Variants in CCDC28B observed in about 807,000 individuals in gnomAD.
The protein encoded by CCDC28B is coiled-coil domain-containing protein 28B.
A neutral mutation model predicts 18.7 loss-of-function variants in CCDC28B; 17 were observed. The ratio of observed to expected loss-of-function variants is 0.91; its 90% CI spans 0.62 to 1.36. The LOEUF is 1.36. Among genes scored for constraint, CCDC28B ranks in the 40% most tolerant of loss-of-function variants. The pLI is 0.00. For missense variants in CCDC28B, 213 were observed against 251.7 expected (o/e 0.85, Z 1.04); for synonymous variants, 116 against 105.1 (o/e 1.10, Z -0.64).
intron 1 of CCDC28B, 22 bp downstream of exon 1, chr1:32,200,731 T>G (rs998774811): frequency 2.0e-5 from 3 of 151,754 alleles, no homozygotes; most frequent in Non-Finnish European, 4.4e-5. Context: ...CCTGAGGGAG[T>G]GAGGGCGGGG....
upstream of CCDC28B, chr1:32,197,728 T>G (rs186353303): frequency 6.6e-6 from 1 of 152,396 alleles, no homozygotes; most frequent in African/African-American, 2.4e-5. The surrounding 1 kb of genome is among the most constrained non-coding windows in gnomAD (Gnocchi z 4.6). Context: ...CAAGAGCGCA[T>G]GGCTCTGCTA....
chr1:32,204,747 C>G, intron 5 of CCDC28B, 127 bp downstream of exon 5: 1 of 1,613,718 alleles, frequency 6.2e-7, no homozygotes, highest in Admixed American at 1.7e-5. Flanking sequence ...TCAGATTTAG[C>G]CACAGACTGC....
At chr1:32,198,908 C>G (rs1569647240), upstream of CCDC28B, among the ~76,000 whole-genome samples, 1 of 152,258 alleles carries the variant, frequency 6.6e-6, no homozygotes, top group East Asian at 1.9e-4. Flanking sequence ...AGGCATAGGC[C>G]ATTTGAGGCC....
upstream of CCDC28B, among the ~76,000 whole-genome samples, chr1:32,199,368 TG>T (rs113383928): frequency 0.13 from 19,167 of 151,596 alleles, 1,564 homozygotes; most frequent in South Asian, 0.25. Flanking sequence ...CTGGAGGGTG[TG>T]GGGGGGGTGC....
chr1:32,202,340 CA>C (rs1643165262), intron 2 of CCDC28B: 1 of 673,580 alleles, frequency 1.5e-6, no homozygotes, highest in Non-Finnish European at 2.7e-6. Context: ...AGGGAGTGAG[CA>C]ACTCTGCAAG....
rs1196167598 is a variant in CCDC28B at position 32,204,504 on chromosome 1, C to T, written c.526-94C>T. On this transcript the variant is annotated intron_variant, in intron 4 of 5. Coordinates refer to ENST00000373602, the MANE Select transcript of CCDC28B (RefSeq NM_024296.5). ...GTGCATGGATCCAAGAGCTCTGGGC[C>T]CCTCAACCTCCCCAGAAGATAGCCC... 4.0e-6 allele frequency: 6 copies of T among 1,513,736 alleles called. No individual in the cohort carries two copies. The East Asian group carries it at 1.1e-4, about 29-fold the overall frequency. 93.8% of individuals were successfully genotyped at this position (1,513,736 alleles called of 1,614,324 possible).
upstream of CCDC28B, among the ~76,000 whole-genome samples, chr1:32,199,705 A>C (rs1411719058): frequency 2.6e-5 from 4 of 152,194 alleles, no homozygotes; most frequent in East Asian, 7.7e-4. Context: ...GCCCAACCCC[A>C]GGAAGCCACT....
At chr1:32,196,687 T>A (rs1423775132), upstream of CCDC28B, 1 of 152,132 alleles carries the variant, frequency 6.6e-6, no homozygotes, top group Admixed American at 6.5e-5. Flanking sequence ...CCAAGATGGA[T>A]AGGATGGTTA....
chr1:32,202,288 T>A (rs745805797), intron 2 of CCDC28B, 189 bp downstream of exon 2: 1 of 750,150 alleles, frequency 1.3e-6, no homozygotes, highest in East Asian at 2.7e-5. Context: ...AAAGGCCAGG[T>A]GGGTCACTGG....
chr1:32,205,372 AC>A lies in CCDC28B; in HGVS notation c.*126del. On this transcript the variant is annotated 3_prime_UTR_variant, in exon 6 of 6. Transcript: ENST00000373602. The surrounding 1 kb of genome is among the most constrained non-coding windows in gnomAD (Gnocchi z 5.6). ...GGAGGGGGGCGTTGAATGGAATTAA[AC>A]CAGAAAGAAAGCAAGCGGCTCCGTG... 1.9e-6 allele frequency: 2 copies of A among 1,033,194 alleles called. No homozygotes were observed. The highest frequency in any genetic ancestry group is 2.8e-6 in the Non-Finnish European group (2 of 718,182). The allele number at this position is 1,033,194 out of a possible 1,614,324, so 64.0% of individuals were successfully genotyped here.
At chr1:32,197,958 C>G (rs1437230271), upstream of CCDC28B, 2 of 152,322 alleles carry the variant, frequency 1.3e-5, no homozygotes. The surrounding 1 kb of genome is among the most constrained non-coding windows in gnomAD (Gnocchi z 4.6). Context: ...GAGGGCTGAC[C>G]CGGAGGCCAG....
At chr1:32,204,827 C>A in intron 5 of CCDC28B, 3 of 1,562,042 alleles carry the variant, frequency 1.9e-6, no homozygotes, top group Non-Finnish European at 8.7e-7. Context: ...GGATGTTTTA[C>A]TACTGATCAA....
At position 32,201,036 on chromosome 1, in the gene CCDC28B, A is replaced by AC. The variant is rs566209844; in HGVS notation, c.-24+334dup. Reference sequence around the variant, plus strand: ...TGCTTAAGCGCCACCCACCCCCCCAACCCCCCCAGTCCCAGAATTCGAAGT... The same window carrying AC: ...TGCTTAAGCGCCACCCACCCCCCCAACCCCCCCCAGTCCCAGAATTCGAAGT... On this transcript the variant is annotated intron_variant, in intron 1 of 5. Transcript: ENST00000373602. 7.8e-3 allele frequency among the ~76,000 whole-genome samples: 1,104 copies of AC among 140,694 alleles called. 11 individuals carry two copies. The highest frequency in any genetic ancestry group is 0.025 in the Middle Eastern group (7 of 282). 92.3% of individuals were successfully genotyped at this position (140,694 alleles called of 152,430 possible). A position where few individuals can be genotyped will look rare whatever the true frequency, so the allele number is the denominator to read the frequency against.
intron 3 of CCDC28B, 68 bp downstream of exon 3, chr1:32,204,113 G>C: frequency 6.3e-7 from 1 of 1,596,404 alleles, no homozygotes; most frequent in Non-Finnish European, 8.6e-7. Flanking sequence ...ATGGGGCATG[G>C]CTGGGACCAT....
rs559984271 is a variant in CCDC28B at position 32,203,867 on chromosome 1, C to T, written c.165-12C>T. The T allele has an allele frequency of 6.7e-5, 101 of 1,496,416 alleles. 2 individuals are homozygous for T. In the South Asian group the frequency reaches 1.3e-3, roughly 19 times the overall value. The allele number at this position is 1,496,416 out of a possible 1,614,324, so 92.7% of individuals were successfully genotyped here. On this transcript the variant is annotated splice_polypyrimidine_tract_variant and intron_variant, in intron 2 of 5. Transcript: ENST00000373602. ...CCTACCCTGTGATCATGGTCATGTCCACCCCACCCAGAGTAGGCAAAGAGA... is the reference window on the plus strand; with the variant it reads ...CCTACCCTGTGATCATGGTCATGTCTACCCCACCCAGAGTAGGCAAAGAGA...
chr1:32,204,187 G>A lies in CCDC28B; in HGVS notation c.333G>A (p.Gly111=), dbSNP rs1335285925. Reference sequence around the variant, plus strand: ...GTTCAGACAGGGGCTTCGTTCCAGGGAAGGAATGCTCCTTTGAGCAGCTGG... The same window carrying A: ...GTTCAGACAGGGGCTTCGTTCCAGGAAAGGAATGCTCCTTTGAGCAGCTGG... The part of the protein sequence containing the change: ...DFHSGRLQAF[G]KECSFEQLEH... The change falls in exon 4 of 6, where the codon GGG becomes GGA. Residue 111 remains glycine (G), a splice_region_variant and synonymous_variant. Transcript: ENST00000373602. 1.1e-5 allele frequency: 18 copies of A among 1,613,990 alleles called. No homozygotes were observed. The highest frequency in any genetic ancestry group is 1.2e-5 in the Non-Finnish European group (14 of 1,180,000).
At position 32,205,095 on chromosome 1, in the gene CCDC28B, G is replaced by C. The variant is rs1643280738; in HGVS notation, c.549-99G>C. 7 of 1,456,846 alleles carry C rather than the reference G, an allele frequency of 4.8e-6. No homozygotes were observed. Among genetic ancestry groups the C allele is most frequent in the Non-Finnish European group, 6.6e-6 (7 of 1,066,626 alleles). 90.2% of individuals were successfully genotyped at this position (1,456,846 alleles called of 1,614,324 possible). A position where few individuals can be genotyped will look rare whatever the true frequency, so the allele number is the denominator to read the frequency against. Reference sequence around the variant, plus strand: ...CAGACGGCCCGAGACCCTCGTCCCCGGCCCTTTGCACAGGTGAGGGAACTA... The same window carrying C: ...CAGACGGCCCGAGACCCTCGTCCCCCGCCCTTTGCACAGGTGAGGGAACTA... On this transcript the variant is annotated intron_variant, in intron 5 of 5. Transcript: ENST00000373602. The surrounding 1 kb of genome is among the most constrained non-coding windows in gnomAD (Gnocchi z 5.6).
rs758635766 is a variant in CCDC28B at position 32,204,169 on chromosome 1, C to A, written c.332-17C>A. The stretch of plus-strand genomic sequence containing the variant: ...CCAGGACTCTTTCCCAGGGTTCAGA[C>A]AGGGGCTTCGTTCCAGGGAAGGAAT... On this transcript the variant is annotated splice_polypyrimidine_tract_variant and intron_variant, in intron 3 of 5. Coordinates refer to ENST00000373602, the MANE Select transcript of CCDC28B (RefSeq NM_024296.5). 5.6e-6 allele frequency: 9 copies of A among 1,613,816 alleles called. No homozygotes were observed. In the South Asian group the frequency reaches 9.9e-5, roughly 18 times the overall value.
intron 4 of CCDC28B, 93 bp downstream of exon 4, chr1:32,204,472 G>C: frequency 1.3e-6 from 2 of 1,514,734 alleles, no homozygotes; most frequent in Non-Finnish European, 1.8e-6. Flanking sequence ...TGGGTGAAAA[G>C]GTGGGAGTGC....
Sources: allele counts gnomAD v4.1 joint callset (sites outside exome capture counted in the v4.1 genomes callset), GRCh38; gene constraint gnomAD v4.1.1; non-coding constraint Gnocchi (gnomAD v3.1); transcripts MANE v1.5; gene names NCBI Gene and HGNC (gene_info 2026-07-23, HGNC 2026-07-21).